CSMD1: variants seen among roughly 807,000 people sequenced by gnomAD.
CSMD1 encodes CUB and Sushi multiple domains 1.
CSMD1 carries 213 observed loss-of-function variants against 417.5 expected under a neutral mutation model. The ratio of observed to expected loss-of-function variants is 0.51; its 90% CI spans 0.46 to 0.57. CSMD1 has a LOEUF of 0.57. Ranked by LOEUF, CSMD1 falls within the 20% of genes least tolerant of loss-of-function variation. The pLI, the probability that CSMD1 is intolerant of heterozygous loss-of-function variation, is 0.00. For synonymous variants in CSMD1, 2,862 were observed against 1,736.8 expected (o/e 1.65, Z -16.11); for missense variants, 6,923 against 4,529.7 (o/e 1.53, Z -15.17).
At chr8:3,505,298 T>C (rs1437258042) in intron 10 of CSMD1, among the ~76,000 whole-genome samples, 2 of 152,078 alleles carry the variant, frequency 1.3e-5, no homozygotes, top group Non-Finnish European at 2.9e-5. Context: ...CAACCAAAGA[T>C]GTGTGGAGTG....
At chr8:4,376,336 G>A (rs935975104) in intron 3 of CSMD1, among the ~76,000 whole-genome samples, 29 of 152,282 alleles carry the variant, frequency 1.9e-4, no homozygotes, top group Admixed American at 1.0e-3. Flanking sequence ...GAGAATAAAA[G>A]TTACCTATAA....
intron 6 of CSMD1, among the ~76,000 whole-genome samples, chr8:3,722,455 T>C (rs1802239045): frequency 6.6e-6 from 1 of 152,170 alleles, no homozygotes; most frequent in African/African-American, 2.4e-5. Flanking sequence ...AAAAAGTGCT[T>C]GCCCCAACCT....
At chr8:3,499,231 G>A (rs143298561) in intron 10 of CSMD1, among the ~76,000 whole-genome samples, 1 of 152,206 alleles carries the variant, frequency 6.6e-6, no homozygotes, top group African/African-American at 2.4e-5. Context: ...CAGTAGTGCA[G>A]TCTTCATGAT....
chr8:4,476,219 A>G (rs551262268), intron 2 of CSMD1, among the ~76,000 whole-genome samples: 1 of 152,244 alleles, frequency 6.6e-6, no homozygotes, highest in East Asian at 1.9e-4. Context: ...AGAAAATAAA[A>G]CTTTTTTAAA....
intron 1 of CSMD1, among the ~76,000 whole-genome samples, chr8:4,842,725 G>C (rs994562090): frequency 6.6e-6 from 1 of 152,174 alleles, no homozygotes; most frequent in African/African-American, 2.4e-5. Flanking sequence ...TAGAACAAAA[G>C]AGTTTTTGAA....
At chr8:3,261,326 C>A (rs557414504) in intron 26 of CSMD1, among the ~76,000 whole-genome samples, 1 of 152,102 alleles carries the variant, frequency 6.6e-6, no homozygotes. Flanking sequence ...GCAAAACATT[C>A]AATTCTGCAA....
chr8:3,076,214 T>A (rs1585287375), intron 49 of CSMD1, among the ~76,000 whole-genome samples: 1 of 146,736 alleles, frequency 6.8e-6, no homozygotes, highest in Non-Finnish European at 1.5e-5. Context: ...TCGGCGGGGC[T>A]GGTTCTGCCT....
At chr8:3,230,494 C>G (rs908023274) in intron 26 of CSMD1, among the ~76,000 whole-genome samples, 3 of 151,844 alleles carry the variant, frequency 2.0e-5, no homozygotes, top group East Asian at 3.9e-4. Flanking sequence ...TTTTTTAAAA[C>G]AAAAATTACA....
At chr8:3,865,798 C>A (rs867695630) in intron 5 of CSMD1, among the ~76,000 whole-genome samples, 21 of 152,184 alleles carry the variant, frequency 1.4e-4, no homozygotes, top group Middle Eastern at 3.4e-3. Flanking sequence ...ATAAGTGCCT[C>A]TTTTTTTGGT....
chr8:4,044,209 C>G (rs187104961), intron 3 of CSMD1, among the ~76,000 whole-genome samples: 131 of 152,252 alleles, frequency 8.6e-4, no homozygotes, highest in Non-Finnish European at 4.4e-5. Context: ...TGCACAATAA[C>G]TGCTGTTTCA....
chr8:4,835,480 T>C (rs967615925), intron 1 of CSMD1, among the ~76,000 whole-genome samples: 1 of 152,182 alleles, frequency 6.6e-6, no homozygotes, highest in Non-Finnish European at 1.5e-5. Context: ...GATTCTTATG[T>C]TGAATTTGAG....
In CSMD1 at chr8:3,586,119, C is replaced by A; in HGVS notation, c.1222+17G>T. ...AGAAAGAGATAATCCAGGCTTTACC[C>A]ACCGCAGGTGCCTTACCTCGGCAGA... is the stretch of plus-strand genomic sequence containing the variant. On this transcript the variant is annotated intron_variant, in intron 9 of 69. Coordinates refer to ENST00000635120, the MANE Select transcript of CSMD1 (RefSeq NM_033225.6). 1 of 1,605,510 alleles carries A rather than the reference C, an allele frequency of 6.2e-7. No individual in the cohort carries two copies. The highest frequency in any genetic ancestry group is 1.3e-5 in the African/African-American group (1 of 74,498).
At chr8:3,165,851 C>A (rs1820176901) in intron 37 of CSMD1, among the ~76,000 whole-genome samples, 1 of 152,048 alleles carries the variant, frequency 6.6e-6, no homozygotes, top group Admixed American at 6.6e-5. Flanking sequence ...TGCGGTGAAA[C>A]CTTCTGAGAG....
intron 18 of CSMD1, among the ~76,000 whole-genome samples, chr8:3,384,073 G>A (rs76222384): frequency 0.044 from 6,690 of 152,180 alleles, 173 homozygotes; most frequent in Middle Eastern, 0.075. Flanking sequence ...CTGTGAAAGC[G>A]AAGTGTGGAG....
chr8:4,801,172 C>CT (rs1322142182), intron 1 of CSMD1, among the ~76,000 whole-genome samples: 1 of 152,208 alleles, frequency 6.6e-6, no homozygotes, highest in Non-Finnish European at 1.5e-5. Flanking sequence ...TTACTTCAGA[C>CT]TGTCTGTGCC....
intron 2 of CSMD1, among the ~76,000 whole-genome samples, chr8:4,532,827 T>G (rs1374179387): frequency 7.4e-6 from 1 of 136,020 alleles, no homozygotes; most frequent in Non-Finnish European, 1.5e-5. Flanking sequence ...TGCACCCGCA[T>G]TCAGTCACTC....
chr8:3,876,563 C>A (rs769485276), intron 5 of CSMD1, among the ~76,000 whole-genome samples: 8 of 152,092 alleles, frequency 5.3e-5, no homozygotes, highest in Non-Finnish European at 1.0e-4. Context: ...ATTATTAATT[C>A]TAAAATGAGG....
chr8:3,933,801 G>C (rs1810308505), intron 5 of CSMD1, among the ~76,000 whole-genome samples: 1 of 152,088 alleles, frequency 6.6e-6, no homozygotes, highest in African/African-American at 2.4e-5. Context: ...TTATAATTCA[G>C]ATCTTGCACT....
Position 4,599,364 on chromosome 8 carries a change from AT to A in CSMD1, c.302+37977del, listed in dbSNP as rs992413793. Reference sequence around the variant, plus strand: ...AGAATAGCATGGTCACCCTGGAAGAATTTTTTTTTTTTCCTTAAAGATCTGT... The same window carrying A: ...AGAATAGCATGGTCACCCTGGAAGAATTTTTTTTTTTCCTTAAAGATCTGT... On this transcript the variant is annotated intron_variant, in intron 2 of 69. Coordinates refer to ENST00000635120, the MANE Select transcript of CSMD1 (RefSeq NM_033225.6). Among the ~76,000 whole-genome samples the A allele has an allele frequency of 1.2e-3, 178 of 149,264 alleles. 1 individual carries two copies. Among genetic ancestry groups the A allele is most frequent in the African/African-American group, 3.0e-3 (123 of 40,514 alleles).
Sources: gnomAD v4.1 joint callset for allele counts (sites outside exome capture counted in the v4.1 genomes callset) on GRCh38, gnomAD v4.1.1 for gene constraint, MANE v1.5 for transcripts, NCBI Gene and HGNC (gene_info 2026-07-23, HGNC 2026-07-21) for gene names.